The following TENM3 variants were observed in gnomAD, a reference collection of about 807,000 sequenced individuals.
TENM3 encodes teneurin transmembrane protein 3, also known as teneurin-3.
In TENM3, 63 loss-of-function variants were observed where a neutral mutation model predicts 255.1. That is an observed-to-expected ratio of 0.25 (90% confidence interval 0.20 to 0.30). The LOEUF (loss-of-function observed/expected upper bound fraction) is 0.30. Ranked by LOEUF, TENM3 falls within the 10% of genes least tolerant of loss-of-function variation. TENM3 has a pLI of 1.00. For missense variants in TENM3, 2,929 were observed against 3,461.1 expected, an observed-to-expected ratio of 0.85 and a Z score of 3.86; for synonymous variants, 1,306 against 1,322.3, an observed-to-expected ratio of 0.99 and a Z score of 0.27.
intron 1 of TENM3, among the ~76,000 whole-genome samples, chr4:182,216,149 C>G (rs531044483): frequency 2.0e-5 from 3 of 152,180 alleles, no homozygotes; most frequent in Non-Finnish European, 4.4e-5. Context: ...TTTGTATTTA[C>G]CAGCCAGAAA....
At chr4:182,701,208 G>T (rs1757829614) in intron 12 of TENM3, among the ~76,000 whole-genome samples, 13 of 41,004 alleles carry the variant, frequency 3.2e-4, no homozygotes, top group South Asian at 1.5e-3. Flanking sequence ...TCCAACTCTT[G>T]ACTTTTTTTT....
rs534472832 is a variant in TENM3, at chr4:182,587,960, A to G, written c.512-12964A>G. On this transcript the variant is annotated intron_variant, in intron 3 of 27. Coordinates refer to ENST00000511685, the MANE Select transcript of TENM3 (RefSeq NM_001080477.4). ...GTATGGTAGGGTATTTTATGACTTG[A>G]GTTAATACAGTGAAGTTTTCATAAT... Among the ~76,000 whole-genome samples, 22 of 152,152 alleles carry G rather than the reference A, an allele frequency of 1.4e-4. No individual in the cohort carries two copies. The South Asian group carries it at 4.6e-3, about 32-fold the overall frequency.
Position 182,267,525 on chromosome 4 carries a change from A to G in TENM3, c.-76+24049A>G, listed in dbSNP as rs185455421. On this transcript the variant is annotated intron_variant, in intron 1 of 27. Coordinates refer to ENST00000511685, the MANE Select transcript of TENM3 (RefSeq NM_001080477.4). ...AAAACAGTCCCTGTACAGGGTTTCT[A>G]GCCTGTGGTAAGTAAAAAAATGTCA... 2.8e-3 allele frequency among the ~76,000 whole-genome samples: 432 copies of G among 152,248 alleles called. 1 individual carries two copies. The highest frequency in any genetic ancestry group is 9.6e-3 in the African/African-American group (398 of 41,554).
chr4:182,099,491 G>A, the TENM3 span, among the ~76,000 whole-genome samples: 1 of 152,002 alleles, frequency 6.6e-6, no homozygotes, highest in African/African-American at 2.4e-5. Context: ...CATAAGCAAG[G>A]ATTAGTTTTT....
rs11947354 is a variant in TENM3, at chr4:182,801,864, G to A, written c.*1513G>A. On this transcript the variant is annotated 3_prime_UTR_variant, in exon 28 of 28. Transcript: ENST00000511685. ...CACGCGTGTGGGAACGAGCCCAGCCGCCATCTGCACTTCCGTGTCGGCTCA... is the reference window on the plus strand; with the variant it reads ...CACGCGTGTGGGAACGAGCCCAGCCACCATCTGCACTTCCGTGTCGGCTCA... 32,682 of 152,454 alleles carry A rather than the reference G, an allele frequency of 0.21. 3,952 individuals are homozygous for A. Among genetic ancestry groups the A allele is most frequent in the African/African-American group, 0.33 (13,873 of 41,444 alleles). The allele number at this position is 152,454 out of a possible 1,614,324, so 9.4% of individuals were successfully genotyped here.
chr4:181,682,574 TC>T, the TENM3 span, among the ~76,000 whole-genome samples: 1 of 152,176 alleles, frequency 6.6e-6, no homozygotes, highest in African/African-American at 2.4e-5. Flanking sequence ...AATAACATTG[TC>T]AAGATGGGAA....
chr4:181,645,819 C>A, the TENM3 span, among the ~76,000 whole-genome samples: 2 of 152,228 alleles, frequency 1.3e-5, no homozygotes, highest in African/African-American at 4.8e-5. Flanking sequence ...AATTATACAT[C>A]TGTGAGTTTC....
the TENM3 span, among the ~76,000 whole-genome samples, chr4:181,649,157 C>A: frequency 6.6e-6 from 1 of 152,196 alleles, no homozygotes; most frequent in Non-Finnish European, 1.5e-5. Flanking sequence ...ATTTTCCAAT[C>A]TTTGAAAATG....
intron 3 of TENM3, among the ~76,000 whole-genome samples, chr4:182,415,941 A>G (rs1770328639): frequency 6.6e-6 from 1 of 152,098 alleles, no homozygotes; most frequent in African/African-American, 2.4e-5. Context: ...GACACCTTAT[A>G]ATAAATTCAA....
the TENM3 span, among the ~76,000 whole-genome samples, chr4:182,050,148 A>G: frequency 1.4e-4 from 21 of 151,754 alleles, no homozygotes; most frequent in Non-Finnish European, 3.1e-4. Context: ...ACCTGCCACC[A>G]CGCCTGGCTA....
chr4:181,873,113 G>A, the TENM3 span, among the ~76,000 whole-genome samples: 1 of 151,834 alleles, frequency 6.6e-6, no homozygotes, highest in Non-Finnish European at 1.5e-5. Flanking sequence ...TGTCGCCCAG[G>A]CTGGAGTGCA....
At chr4:182,009,947 G>T in the TENM3 span, among the ~76,000 whole-genome samples, 1 of 152,250 alleles carries the variant, frequency 6.6e-6, no homozygotes, top group East Asian at 1.9e-4. Flanking sequence ...GGGGGGAGGG[G>T]GTTCCCCTTT....
chr4:181,728,320 G>T, the TENM3 span, among the ~76,000 whole-genome samples: 1 of 152,162 alleles, frequency 6.6e-6, no homozygotes, highest in African/African-American at 2.4e-5. Flanking sequence ...TCCATAAAGT[G>T]AAAGCGGTTA....
chr4:182,353,668 A>C (rs1357350372), intron 3 of TENM3, among the ~76,000 whole-genome samples: 2 of 150,714 alleles, frequency 1.3e-5, no homozygotes, highest in South Asian at 4.1e-4. Context: ...TTTTAGTATA[A>C]TAAGTTATGA....
At chr4:181,658,656 G>A in the TENM3 span, among the ~76,000 whole-genome samples, 1 of 152,208 alleles carries the variant, frequency 6.6e-6, no homozygotes, top group East Asian at 1.9e-4. Flanking sequence ...ATGGAGCAGA[G>A]AGCATTTTGG....
the TENM3 span, among the ~76,000 whole-genome samples, chr4:181,871,211 A>G: frequency 6.6e-6 from 1 of 151,886 alleles, no homozygotes. Context: ...TTTTTCATGA[A>G]CTTTTCTAGC....
chr4:182,723,793 T>A (rs1759939575), intron 13 of TENM3, among the ~76,000 whole-genome samples: 1 of 152,208 alleles, frequency 6.6e-6, no homozygotes, highest in Admixed American at 6.5e-5. Context: ...CCTGATTTTC[T>A]TAATAGTTTT....
intron 1 of TENM3, among the ~76,000 whole-genome samples, chr4:182,304,952 T>C (rs1762053141): frequency 6.6e-6 from 1 of 152,160 alleles, no homozygotes; most frequent in Admixed American, 6.5e-5. Context: ...TTTCTCTTTT[T>C]TCTTTTTCTT....
intron 4 of TENM3, among the ~76,000 whole-genome samples, chr4:182,615,918 G>C (rs1749471153): frequency 6.6e-6 from 1 of 152,220 alleles, no homozygotes; most frequent in South Asian, 2.1e-4. Context: ...CAGTCTTGAA[G>C]GGAGACTTGA....
Sources: allele counts gnomAD v4.1 joint callset (sites outside exome capture counted in the v4.1 genomes callset), GRCh38; gene constraint gnomAD v4.1.1; transcripts MANE v1.5; gene names NCBI Gene and HGNC (gene_info 2026-07-23, HGNC 2026-07-21).